Variants in VRK1 observed in about 807,000 individuals in gnomAD.
VRK1 encodes the protein serine/threonine-protein kinase VRK1.
In VRK1, 33 loss-of-function variants were observed where a neutral mutation model predicts 57.1. The ratio of observed to expected loss-of-function variants is 0.58; its 90% CI spans 0.44 to 0.77. VRK1 has a LOEUF of 0.77. Ranked by LOEUF, VRK1 falls within the 30% of genes least tolerant of loss-of-function variation. The pLI, the probability that VRK1 is intolerant of heterozygous loss-of-function variation, is 0.00. For missense variants in VRK1, 413 were observed against 477.3 expected, an observed-to-expected ratio of 0.87 and a Z score of 1.25; for synonymous variants, 137 against 147.8, an observed-to-expected ratio of 0.93 and a Z score of 0.53.
chr14:96,808,868 A>C (rs1406209833), intron 1 of VRK1, among the ~76,000 whole-genome samples: 1 of 152,160 alleles, frequency 6.6e-6, no homozygotes, highest in African/African-American at 2.4e-5. Context: ...TATTATGCTC[A>C]TGGATTCTGT....
chr14:96,851,835 A>G (rs564620421), intron 5 of VRK1, among the ~76,000 whole-genome samples: 1 of 152,350 alleles, frequency 6.6e-6, no homozygotes, highest in Admixed American at 6.5e-5. Context: ...GTTTAAATGC[A>G]TTAATAACGT....
intron 12 of VRK1, among the ~76,000 whole-genome samples, chr14:96,878,325 T>C (rs1021885842): frequency 6.6e-6 from 1 of 152,228 alleles, no homozygotes; most frequent in Non-Finnish European, 1.5e-5. Flanking sequence ...TTTTAAGATA[T>C]ATAGTACAAT....
chr14:96,803,015 C>G (rs191255010), intron 1 of VRK1, among the ~76,000 whole-genome samples: 12 of 152,202 alleles, frequency 7.9e-5, no homozygotes, highest in Non-Finnish European at 2.9e-5. Context: ...TAAATCATCC[C>G]TTTGTCCAGC....
chr14:96,813,770 A>G (rs559092825), intron 1 of VRK1, among the ~76,000 whole-genome samples: 5 of 152,020 alleles, frequency 3.3e-5, no homozygotes, highest in Non-Finnish European at 7.4e-5. Flanking sequence ...CCACCTTAAG[A>G]CTTCTTGTTT....
At chr14:96,819,806 G>A (rs1198105306) in intron 1 of VRK1, among the ~76,000 whole-genome samples, 1 of 152,142 alleles carries the variant, frequency 6.6e-6, no homozygotes, top group Non-Finnish European at 1.5e-5. Context: ...GGTGAATATG[G>A]CGGATGAGAC....
intron 11 of VRK1, among the ~76,000 whole-genome samples, chr14:96,873,814 G>C (rs1291752288): frequency 1.3e-5 from 2 of 152,148 alleles, no homozygotes; most frequent in Non-Finnish European, 2.9e-5. Context: ...TTTTTAATTG[G>C]TCTGTAGACC....
At chr14:96,813,059 T>C (rs149634127) in intron 1 of VRK1, among the ~76,000 whole-genome samples, 1 of 152,332 alleles carries the variant, frequency 6.6e-6, no homozygotes, top group African/African-American at 2.4e-5. Flanking sequence ...TTTCACATCA[T>C]GTGGCAGATA....
chr14:96,865,382 T>C (rs926947240), intron 11 of VRK1, among the ~76,000 whole-genome samples: 1 of 152,222 alleles, frequency 6.6e-6, no homozygotes, highest in Non-Finnish European at 1.5e-5. Context: ...TTCTGTACCA[T>C]TGGCCCGCTT....
intron 12 of VRK1, among the ~76,000 whole-genome samples, chr14:96,876,798 AAAAC>A (rs1220325275): frequency 3.4e-4 from 52 of 151,966 alleles, no homozygotes; most frequent in African/African-American, 1.1e-3. Flanking sequence ...AAAACACAAA[AAAAC>A]AAAAAAAACA....
intron 11 of VRK1, among the ~76,000 whole-genome samples, chr14:96,866,156 T>C (rs1321501271): frequency 6.6e-6 from 1 of 152,160 alleles, no homozygotes; most frequent in Non-Finnish European, 1.5e-5. Flanking sequence ...AAGGAGAGCT[T>C]TATGTGAATT....
At position 96,855,406 on chromosome 14, in the gene VRK1, A is replaced by G. The variant is rs760499839; in HGVS notation, c.709+50A>G. On this transcript the variant is annotated intron_variant, in intron 8 of 12. Coordinates refer to ENST00000216639, the MANE Select transcript of VRK1 (RefSeq NM_003384.3). ...AAATAGACTGCTAATGTTTTCACCCAGATTCCTACATAGTTCTTAATTATG... is the reference window on the plus strand; with the variant it reads ...AAATAGACTGCTAATGTTTTCACCCGGATTCCTACATAGTTCTTAATTATG... 11 of 1,613,170 alleles carry G rather than the reference A, an allele frequency of 6.8e-6. No homozygotes were observed. In the South Asian group the frequency reaches 1.2e-4, roughly 18 times the overall value.
chr14:96,849,546 A>G (rs948716312), intron 5 of VRK1, among the ~76,000 whole-genome samples: 1 of 151,998 alleles, frequency 6.6e-6, no homozygotes, highest in Admixed American at 6.6e-5. Context: ...AGGTGTGGTC[A>G]TGGGCTAGTT....
At chr14:96,840,541 C>T (rs975981674) in intron 3 of VRK1, among the ~76,000 whole-genome samples, 2 of 152,096 alleles carry the variant, frequency 1.3e-5, no homozygotes, top group Non-Finnish European at 2.9e-5. Context: ...AACTAAAGTT[C>T]TTAGTATTAA....
chr14:96,821,676 A>C (rs938325484), intron 1 of VRK1, among the ~76,000 whole-genome samples: 1 of 152,220 alleles, frequency 6.6e-6, no homozygotes, highest in Non-Finnish European at 1.5e-5. Flanking sequence ...TTCAAAGTGC[A>C]AGTCAGAACA....
chr14:96,813,552 A>C (rs530164957), intron 1 of VRK1, among the ~76,000 whole-genome samples: 1 of 152,074 alleles, frequency 6.6e-6, no homozygotes, highest in Non-Finnish European at 1.5e-5. Flanking sequence ...ACTTTTCGGA[A>C]GACGTTTTAT....
chr14:96,875,793 T>G (rs1566721431), intron 11 of VRK1, among the ~76,000 whole-genome samples: 1 of 151,932 alleles, frequency 6.6e-6, no homozygotes, highest in Non-Finnish European at 1.5e-5. Flanking sequence ...ATATAACAAA[T>G]ATATCTACCA....
chr14:96,847,346 T>TA lies in VRK1; in HGVS notation c.374+7dup. On this transcript the variant is annotated splice_region_variant and intron_variant, in intron 5 of 12. Transcript: ENST00000216639. ...TCTACATGACAAAAATGGAAAAAGG[T>TA]AAAAATATGTGTGATTTGTCTTTCT... 3 of 1,610,418 alleles carry TA rather than the reference T, an allele frequency of 1.9e-6. No homozygotes were observed. The highest frequency in any genetic ancestry group is 2.5e-6 in the Non-Finnish European group (3 of 1,176,782).
chr14:96,849,497 A>G (rs562687401), intron 5 of VRK1, among the ~76,000 whole-genome samples: 29 of 152,162 alleles, frequency 1.9e-4, no homozygotes, highest in African/African-American at 6.3e-4. Flanking sequence ...CTAAACACCA[A>G]ACAAATCTAG....
Position 96,853,097 on chromosome 14 carries a change from C to T in VRK1, c.507C>T (p.His169=), listed in dbSNP as rs773548929. The T allele has an allele frequency of 3.8e-5, 62 of 1,613,628 alleles. No homozygotes were observed. Among genetic ancestry groups the T allele is most frequent in the Non-Finnish European group, 5.2e-5 (61 of 1,179,792 alleles). The change falls in exon 7 of 13, where the codon CAC becomes CAT. Residue 169 remains histidine, a synonymous_variant. Transcript: ENST00000216639. ...AGCTGGATATTCTGGAATATATTCACGAGCATGAGTATGTGCATGGAGATA... is the reference window on the plus strand; with the variant it reads ...AGCTGGATATTCTGGAATATATTCATGAGCATGAGTATGTGCATGGAGATA... The part of the protein sequence containing the change: ...LRILDILEYI[H]EHEYVHGDIK...
Sources: allele counts gnomAD v4.1 joint callset (sites outside exome capture counted in the v4.1 genomes callset), GRCh38; gene constraint gnomAD v4.1.1; transcripts MANE v1.5; gene names NCBI Gene and HGNC (gene_info 2026-07-23, HGNC 2026-07-21).